Variants in SNTG1 observed in about 807,000 individuals in gnomAD.
SNTG1 encodes syntrophin gamma 1, also known as gamma-1-syntrophin.
SNTG1 carries 39 observed loss-of-function variants against 74.7 expected under a neutral mutation model. The observed-to-expected ratio is 0.52, with a 90% confidence interval of 0.40 to 0.68. The LOEUF (loss-of-function observed/expected upper bound fraction) is 0.68. Ranked by LOEUF, SNTG1 falls within the 30% of genes least tolerant of loss-of-function variation. The probability of loss-of-function intolerance (pLI) is 0.00; values close to 1 mark genes in which losing one functional copy is unlikely to be tolerated. For synonymous variants in SNTG1, 254 were observed against 217.1 expected (o/e 1.17, Z -1.49); for missense variants, 685 against 609.5 (o/e 1.12, Z -1.30).
At chr8:50,277,871 A>T (rs1300592494) in intron 2 of SNTG1, among the ~76,000 whole-genome samples, 1 of 152,174 alleles carries the variant, frequency 6.6e-6, no homozygotes, top group East Asian at 1.9e-4. Flanking sequence ...AAAGGTACCT[A>T]ATCAGGATTT....
At chr8:50,149,058 C>G (rs537519747) in intron 1 of SNTG1, among the ~76,000 whole-genome samples, 1 of 152,194 alleles carries the variant, frequency 6.6e-6, no homozygotes, top group Non-Finnish European at 1.5e-5. Context: ...TCTCCAGCAC[C>G]TGTAGTTTCC....
intron 9 of SNTG1, among the ~76,000 whole-genome samples, chr8:50,525,367 T>G (rs1178108676): frequency 6.6e-6 from 1 of 152,144 alleles, no homozygotes; most frequent in Non-Finnish European, 1.5e-5. Context: ...CCTTTCTAGG[T>G]TCATCCTAGT....
intron 1 of SNTG1, among the ~76,000 whole-genome samples, chr8:50,063,285 CTG>C (rs1379873061): frequency 6.6e-5 from 10 of 152,206 alleles, no homozygotes; most frequent in Non-Finnish European, 1.2e-4. Context: ...ATTGAAAAGA[CTG>C]AGAATTTCCA....
At chr8:50,716,091 G>A (rs899909255) in intron 17 of SNTG1, among the ~76,000 whole-genome samples, 1 of 152,014 alleles carries the variant, frequency 6.6e-6, no homozygotes, top group Non-Finnish European at 1.5e-5. Context: ...GTACACACAT[G>A]TGCACACATA....
intron 2 of SNTG1, among the ~76,000 whole-genome samples, chr8:50,205,760 G>C (rs769474534): frequency 6.6e-6 from 1 of 152,106 alleles, no homozygotes; most frequent in East Asian, 1.9e-4. Context: ...TGTAAGGAAG[G>C]GATCCACTTA....
chr8:50,536,886 A>C, intron 11 of SNTG1, 78 bp downstream of exon 11: 1 of 1,500,976 alleles, frequency 6.7e-7, no homozygotes, highest in Non-Finnish European at 9.1e-7. Flanking sequence ...GACATATCAC[A>C]ATACGCCTTA....
intron 17 of SNTG1, among the ~76,000 whole-genome samples, chr8:50,749,121 A>G (rs2095561567): frequency 6.6e-6 from 1 of 152,188 alleles, no homozygotes; most frequent in East Asian, 2.0e-4. Context: ...AAGAAATGTA[A>G]TACTGCTACT....
Position 50,482,304 on chromosome 8 carries a change from A to G in SNTG1, c.364-20474A>G, listed in dbSNP as rs540051447. Among the ~76,000 whole-genome samples the G allele has an allele frequency of 5.9e-5, 9 of 152,336 alleles. 1 individual carries two copies. The highest frequency in any genetic ancestry group is 1.7e-4 in the African/African-American group (7 of 41,596). On this transcript the variant is annotated intron_variant, in intron 8 of 18. Transcript: ENST00000642720. ...GAGTCCAAATATAACTGAGGCAGGT[A>G]GGGTGAGAATGACGGGACTTCAAAG...
intron 2 of SNTG1, among the ~76,000 whole-genome samples, chr8:50,384,804 C>A (rs942375350): frequency 2.0e-5 from 3 of 152,106 alleles, no homozygotes; most frequent in African/African-American, 2.4e-5. Flanking sequence ...AATTGAAGTT[C>A]TTTCTCTTGT....
chr8:50,688,689 G>C (rs190057645), intron 15 of SNTG1, among the ~76,000 whole-genome samples: 1 of 152,104 alleles, frequency 6.6e-6, no homozygotes. Flanking sequence ...GTCAGGTAGC[G>C]TGATGCCTCC....
At chr8:50,628,515 C>G (rs1217131301) in intron 13 of SNTG1, among the ~76,000 whole-genome samples, 3 of 151,978 alleles carry the variant, frequency 2.0e-5, no homozygotes, top group African/African-American at 4.8e-5. Context: ...TCTAGTCAAT[C>G]TTTTTACATT....
intron 12 of SNTG1, among the ~76,000 whole-genome samples, chr8:50,587,463 T>C (rs536331961): frequency 1.2e-4 from 18 of 152,212 alleles, no homozygotes; most frequent in Non-Finnish European, 1.8e-4. Flanking sequence ...TATGTTTTAA[T>C]TGCTGTGATT....
At chr8:50,096,611 T>A (rs2079938913) in intron 1 of SNTG1, among the ~76,000 whole-genome samples, 1 of 152,186 alleles carries the variant, frequency 6.6e-6, no homozygotes, top group South Asian at 2.1e-4. Flanking sequence ...TATTACCTAC[T>A]GTCAATGGGA....
At chr8:50,439,316 GTTTAAC>G (rs1454402483) in intron 5 of SNTG1, among the ~76,000 whole-genome samples, 1 of 152,044 alleles carries the variant, frequency 6.6e-6, no homozygotes, top group African/African-American at 2.4e-5. Context: ...GATAAATGAA[GTTTAAC>G]TTTATAATTA....
chr8:50,333,116 T>C (rs1313588476), intron 2 of SNTG1, among the ~76,000 whole-genome samples: 1 of 152,206 alleles, frequency 6.6e-6, no homozygotes, highest in Non-Finnish European at 1.5e-5. Context: ...AAACGTAATA[T>C]ATACTCAAGA....
Position 50,502,874 on chromosome 8 carries a change from T to C in SNTG1, c.460T>C (p.Cys154Arg), listed in dbSNP as rs2093974516. The C allele has an allele frequency of 6.2e-7, 1 of 1,611,476 alleles. No individual in the cohort carries two copies. The highest frequency in any genetic ancestry group is 8.5e-7 in the Non-Finnish European group (1 of 1,178,122). The change falls in exon 9 of 19, where the codon TGT becomes CGT. Residue 154 changes from cysteine to arginine, a missense_variant. Coordinates refer to ENST00000642720, the MANE Select transcript of SNTG1 (RefSeq NM_018967.5). Reference sequence around the variant, plus strand: ...CCTCAAACTCCCATTGAATGAAGATTGTGCATGTAAGCATTTATAAAGAAT... The same window carrying C: ...CCTCAAACTCCCATTGAATGAAGATCGTGCATGTAAGCATTTATAAAGAAT... ...AFLKLPLNED[C>R]ACAPSDQSSG...
At chr8:49,922,895 G>A (rs1806682167) in intron 1 of SNTG1, among the ~76,000 whole-genome samples, 2 of 151,940 alleles carry the variant, frequency 1.3e-5, no homozygotes, top group Admixed American at 1.3e-4. Flanking sequence ...ACATGTAACT[G>A]GTTTTGGTTT....
chr8:50,663,529 A>G (rs1235544255), intron 15 of SNTG1, among the ~76,000 whole-genome samples: 2 of 152,132 alleles, frequency 1.3e-5, no homozygotes, highest in Non-Finnish European at 2.9e-5. Flanking sequence ...ACTCACCTGC[A>G]TAGACCAGCC....
intron 9 of SNTG1, among the ~76,000 whole-genome samples, chr8:50,511,693 C>A (rs779829432): frequency 6.6e-6 from 1 of 152,124 alleles, no homozygotes; most frequent in Admixed American, 6.6e-5. Flanking sequence ...CTCTTTTCAT[C>A]TTTGTTGGTT....
Sources: allele counts gnomAD v4.1 joint callset (sites outside exome capture counted in the v4.1 genomes callset), GRCh38; gene constraint gnomAD v4.1.1; transcripts MANE v1.5; gene names NCBI Gene and HGNC (gene_info 2026-07-23, HGNC 2026-07-21).